GALK2: variants seen among roughly 807,000 people sequenced by gnomAD.
The protein encoded by GALK2 is N-acetylgalactosamine kinase.
A neutral mutation model predicts 52.4 loss-of-function variants in GALK2; 36 were observed. The observed-to-expected ratio is 0.69, with a 90% CI of 0.53 to 0.91. GALK2 has a LOEUF of 0.91. Among genes scored for constraint, GALK2 ranks in the 40% least tolerant of loss-of-function variants. The pLI is 0.00. For synonymous variants in GALK2, 176 were observed against 199.1 expected (o/e 0.88, Z 0.98); for missense variants, 579 against 559.1 (o/e 1.04, Z -0.36).
At chr15:49,213,453 G>A (rs1045575976) in intron 2 of GALK2, among the ~76,000 whole-genome samples, 3 of 152,084 alleles carry the variant, frequency 2.0e-5, no homozygotes, top group Admixed American at 1.3e-4. Context: ...TCAACCCATT[G>A]TCTAGGTTTT....
chr15:49,160,214 G>T (rs1441463049), intron 1 of GALK2, among the ~76,000 whole-genome samples: 2 of 152,074 alleles, frequency 1.3e-5, no homozygotes, highest in East Asian at 3.8e-4. Flanking sequence ...GGTCGGGGTT[G>T]CAGTGAGCCA....
intron 3 of GALK2, among the ~76,000 whole-genome samples, chr15:49,225,798 T>C (rs1411423723): frequency 6.6e-6 from 1 of 152,216 alleles, no homozygotes; most frequent in African/African-American, 2.4e-5. Context: ...GGCCCACAGC[T>C]CCATCTTTTG....
At chr15:49,364,800 A>T (rs1452582934) in intron 3 of GALK2, among the ~76,000 whole-genome samples, 1 of 152,132 alleles carries the variant, frequency 6.6e-6, no homozygotes, top group Non-Finnish European at 1.5e-5. Context: ...TTTATCTACC[A>T]TTAGAGTTGG....
At chr15:49,167,471 C>T (rs757163008), upstream of GALK2, among the ~76,000 whole-genome samples, 2 of 152,172 alleles carry the variant, frequency 1.3e-5, no homozygotes, top group Non-Finnish European at 2.9e-5. Flanking sequence ...GATTCTCCCG[C>T]CTCAGCCTCC....
intron 3 of GALK2, among the ~76,000 whole-genome samples, chr15:49,360,957 T>G (rs1458926167): frequency 1.3e-5 from 2 of 152,110 alleles, no homozygotes; most frequent in African/African-American, 4.8e-5. Flanking sequence ...ACATAGACAA[T>G]AATGTCATCC....
At chr15:49,303,829 T>C (rs901634597) in intron 8 of GALK2, among the ~76,000 whole-genome samples, 2 of 152,202 alleles carry the variant, frequency 1.3e-5, no homozygotes, top group Admixed American at 6.5e-5. Flanking sequence ...CATTTGTGGC[T>C]GCCTCAAGGG....
chr15:49,253,751 TTTATG>T (rs1431619036), intron 5 of GALK2, among the ~76,000 whole-genome samples: 7 of 144,136 alleles, frequency 4.9e-5, no homozygotes, highest in African/African-American at 1.7e-4. Context: ...GACTCTAGAC[TTTATG>T]TTATATCAAA....
intron 2 of GALK2, among the ~76,000 whole-genome samples, chr15:49,213,838 C>G (rs1013519841): frequency 2.0e-5 from 3 of 151,930 alleles, no homozygotes; most frequent in African/African-American, 7.3e-5. Flanking sequence ...TTTTTTTGGG[C>G]TGGGCATGGT....
At chr15:49,228,676 T>C (rs1180324566) in intron 3 of GALK2, among the ~76,000 whole-genome samples, 1 of 14,428 alleles carries the variant, frequency 6.9e-5, no homozygotes, top group Non-Finnish European at 1.6e-4. Context: ...TATATATATA[T>C]ATATATATAT....
At chr15:49,237,464 T>G (rs1033124419) in intron 4 of GALK2, among the ~76,000 whole-genome samples, 5 of 151,916 alleles carry the variant, frequency 3.3e-5, no homozygotes, top group Non-Finnish European at 7.4e-5. Flanking sequence ...TTGTTTTTGT[T>G]TTTTTGTTTT....
chr15:49,252,225 C>T (rs546181201), intron 5 of GALK2, among the ~76,000 whole-genome samples: 5 of 152,224 alleles, frequency 3.3e-5, no homozygotes, highest in African/African-American at 4.8e-5. Context: ...GAGATCGCAC[C>T]ATTGCACTCC....
At chr15:49,322,971 A>G (rs2037021467) in intron 9 of GALK2, among the ~76,000 whole-genome samples, 1 of 151,460 alleles carries the variant, frequency 6.6e-6, no homozygotes, top group African/African-American at 2.4e-5. Flanking sequence ...AAAAAAAAAA[A>G]AAAAAGAAAA....
intron 1 of GALK2, among the ~76,000 whole-genome samples, chr15:49,174,440 G>A (rs1237840965): frequency 4.6e-5 from 7 of 152,126 alleles, no homozygotes; most frequent in Admixed American, 3.9e-4. Flanking sequence ...CCACTTGCCG[G>A]GTTCAAGCAG....
chr15:49,363,826 G>T (rs7176321), intron 3 of GALK2, among the ~76,000 whole-genome samples: 2 of 152,148 alleles, frequency 1.3e-5, no homozygotes, highest in East Asian at 1.9e-4. Flanking sequence ...TATCATGAAG[G>T]GATGTTGAAT....
chr15:49,291,935 T>A (rs1320855616), intron 7 of GALK2, among the ~76,000 whole-genome samples: 2 of 152,124 alleles, frequency 1.3e-5, no homozygotes, highest in Non-Finnish European at 2.9e-5. Flanking sequence ...CACATGAGAT[T>A]TAAGTAGTTT....
intron 5 of GALK2, among the ~76,000 whole-genome samples, chr15:49,272,814 T>C (rs2030924014): frequency 6.6e-6 from 1 of 152,104 alleles, no homozygotes; most frequent in African/African-American, 2.4e-5. Context: ...GATCCCAAAG[T>C]GTTTGAATAA....
chr15:49,215,996 C>T (rs1341403748), intron 2 of GALK2, among the ~76,000 whole-genome samples: 2 of 152,200 alleles, frequency 1.3e-5, no homozygotes, highest in African/African-American at 4.8e-5. Context: ...TTCTTCCTGA[C>T]ATCTAGAGGC....
At chr15:49,283,384 A>G (rs1444327251) in intron 6 of GALK2, among the ~76,000 whole-genome samples, 182 bp from the exon 7 acceptor site, 1 of 152,190 alleles carries the variant, frequency 6.6e-6, no homozygotes, top group Admixed American at 6.5e-5. Flanking sequence ...GAGAGGAATG[A>G]CAGTGTCTTT....
intron 3 of GALK2, chr15:49,226,591 T>G (rs756154693): frequency 1.3e-5 from 2 of 152,168 alleles, no homozygotes; most frequent in Non-Finnish European, 2.9e-5. Flanking sequence ...TTACTTCTAT[T>G]CTGATCTTCA....
Sources: gnomAD v4.1 joint callset for allele counts (sites outside exome capture counted in the v4.1 genomes callset) on GRCh38, gnomAD v4.1.1 for gene constraint, MANE v1.5 for transcripts, NCBI Gene and HGNC (gene_info 2026-07-23, HGNC 2026-07-21) for gene names.